Variants in GRID2 observed in about 807,000 individuals in gnomAD.
GRID2 encodes the protein glutamate receptor ionotropic, delta-2.
In GRID2, 33 loss-of-function variants were observed where a neutral mutation model predicts 114.8. The observed-to-expected ratio is 0.29, with a 90% CI of 0.22 to 0.38. The LOEUF (loss-of-function observed/expected upper bound fraction) is 0.38, where lower values mean the gene tolerates loss of function less well. Among genes scored for constraint, GRID2 ranks in the 10% least tolerant of loss-of-function variants. The probability of loss-of-function intolerance (pLI) is 1.00; values close to 1 mark genes in which losing one functional copy is unlikely to be tolerated. For missense variants in GRID2, 1,184 were observed against 1,257.7 expected (o/e 0.94, Z 0.89); for synonymous variants, 505 against 449.9 (o/e 1.12, Z -1.55).
rs1352552546 is a variant in GRID2 at position 92,992,565 on chromosome 4, A to G, written c.245-92430A>G. Among the ~76,000 whole-genome samples the G allele has an allele frequency of 2.6e-5, 4 of 152,276 alleles. No individual in the cohort carries two copies. In the East Asian group the frequency reaches 7.7e-4, roughly 29 times the overall value. The stretch of plus-strand genomic sequence containing the variant: ...TCAGTATTATATTTTGCAATTTCAT[A>G]TTGTGACTTCTATATAATAAGGAAT... On this transcript the variant is annotated intron_variant, in intron 2 of 15. Transcript: ENST00000282020.
At chr4:92,326,788 C>T (rs932787828) in intron 1 of GRID2, among the ~76,000 whole-genome samples, 8 of 152,010 alleles carry the variant, frequency 5.3e-5, no homozygotes, top group Non-Finnish European at 1.5e-5. Flanking sequence ...ATTTGCATAA[C>T]TTCTCTGAGG....
chr4:93,343,162 G>A (rs1007718184), intron 8 of GRID2, among the ~76,000 whole-genome samples: 5 of 151,546 alleles, frequency 3.3e-5, no homozygotes, highest in African/African-American at 1.2e-4. Context: ...GTGTGTGTGT[G>A]TGTGTGTGTG....
intron 1 of GRID2, among the ~76,000 whole-genome samples, chr4:92,383,959 G>A (rs1452098539): frequency 1.3e-5 from 2 of 151,926 alleles, no homozygotes; most frequent in East Asian, 3.9e-4. Context: ...TGGTATTTAA[G>A]ATGGTAAAGT....
intron 13 of GRID2, among the ~76,000 whole-genome samples, chr4:93,619,258 G>A (rs879792325): frequency 6.6e-6 from 1 of 152,164 alleles, no homozygotes; most frequent in Non-Finnish European, 1.5e-5. Flanking sequence ...ATGATTTATT[G>A]TGCTGTATAA....
At chr4:93,173,448 G>A (rs1344694308) in intron 4 of GRID2, among the ~76,000 whole-genome samples, 1 of 152,090 alleles carries the variant, frequency 6.6e-6, no homozygotes, top group African/African-American at 2.4e-5. Flanking sequence ...GAGAGGGAGG[G>A]AGGAAGAGAT....
At chr4:93,128,059 ACAAC>A (rs1560908605) in intron 4 of GRID2, among the ~76,000 whole-genome samples, 1 of 93,160 alleles carries the variant, frequency 1.1e-5, no homozygotes, top group Non-Finnish European at 2.1e-5. Flanking sequence ...AAAAAAAAAA[ACAAC>A]AGTACGTGCT....
intron 2 of GRID2, among the ~76,000 whole-genome samples, chr4:93,066,297 T>C (rs1728286698): frequency 1.3e-5 from 2 of 152,034 alleles, no homozygotes; most frequent in African/African-American, 4.8e-5. Flanking sequence ...CATCTGTTCA[T>C]CTCATTACTA....
intron 2 of GRID2, among the ~76,000 whole-genome samples, chr4:92,707,093 G>C (rs1734991697): frequency 6.6e-6 from 1 of 152,090 alleles, no homozygotes; most frequent in Non-Finnish European, 1.5e-5. Context: ...TAGATAGGGA[G>C]TTATATTGAT....
chr4:92,669,607 G>A (rs772109872), intron 2 of GRID2, among the ~76,000 whole-genome samples: 2 of 151,856 alleles, frequency 1.3e-5, no homozygotes, highest in African/African-American at 2.4e-5. Flanking sequence ...GTGAACAGCC[G>A]CCAGAGTTGC....
intron 2 of GRID2, among the ~76,000 whole-genome samples, chr4:92,720,704 T>A (rs895594332): frequency 6.6e-6 from 1 of 152,092 alleles, no homozygotes; most frequent in African/African-American, 2.4e-5. Context: ...TAACCTAATA[T>A]ATATGGAAAA....
chr4:93,658,496 A>G (rs1047243736), intron 14 of GRID2, among the ~76,000 whole-genome samples: 23 of 152,222 alleles, frequency 1.5e-4, no homozygotes, highest in Admixed American at 9.2e-4. Flanking sequence ...ACCGTGTTTT[A>G]CAAATAAAAA....
At chr4:93,129,520 C>G (rs1734601265) in intron 4 of GRID2, among the ~76,000 whole-genome samples, 4 of 152,098 alleles carry the variant, frequency 2.6e-5, no homozygotes, top group Admixed American at 2.0e-4. Flanking sequence ...GAGACTAGTG[C>G]TACTAGGGGA....
chr4:92,493,035 C>T (rs1033942815), intron 1 of GRID2, among the ~76,000 whole-genome samples: 1 of 146,932 alleles, frequency 6.8e-6, no homozygotes, highest in African/African-American at 2.5e-5. Flanking sequence ...AGGCTGAGGT[C>T]GGAGAATTGC....
At chr4:92,664,028 G>T (rs547963014) in intron 2 of GRID2, among the ~76,000 whole-genome samples, 1 of 150,946 alleles carries the variant, frequency 6.6e-6, no homozygotes, top group South Asian at 2.1e-4. Context: ...TTGCTCTAAC[G>T]TTTATTATTT....
At chr4:93,504,123 T>A (rs1013281844) in intron 12 of GRID2, among the ~76,000 whole-genome samples, 3 of 152,132 alleles carry the variant, frequency 2.0e-5, no homozygotes, top group African/African-American at 7.2e-5. Flanking sequence ...TTTCCCACTA[T>A]GAAATTTTTG....
At chr4:93,084,462 T>A (rs1429467917) in intron 2 of GRID2, among the ~76,000 whole-genome samples, 2 of 152,312 alleles carry the variant, frequency 1.3e-5, no homozygotes, top group East Asian at 3.9e-4. Context: ...GGCAATGTCA[T>A]CAAGTTTTTA....
At chr4:92,349,365 A>G (rs1727946156) in intron 1 of GRID2, among the ~76,000 whole-genome samples, 1 of 151,928 alleles carries the variant, frequency 6.6e-6, no homozygotes, top group Non-Finnish European at 1.5e-5. Context: ...TCAATTGTCA[A>G]GTTAATAATG....
chr4:93,808,090 C>T (rs1220207457), exon 2 of GRID2: 2 of 152,094 alleles, frequency 1.3e-5, no homozygotes, highest in Admixed American at 6.6e-5. Flanking sequence ...AGTAGTGATC[C>T]CATGGGTTCT....
intron 2 of GRID2, among the ~76,000 whole-genome samples, chr4:92,683,163 G>C (rs938627967): frequency 6.6e-6 from 1 of 152,026 alleles, no homozygotes; most frequent in East Asian, 1.9e-4. Context: ...GCTGGGCGTG[G>C]TGGCGGGCGC....
Sources: gnomAD v4.1 joint callset for allele counts (sites outside exome capture counted in the v4.1 genomes callset) on GRCh38, gnomAD v4.1.1 for gene constraint, MANE v1.5 for transcripts, NCBI Gene and HGNC (gene_info 2026-07-23, HGNC 2026-07-21) for gene names.